SDK2: variants seen among roughly 807,000 people sequenced by gnomAD.
SDK2 encodes protein sidekick-2.
Under a neutral mutation model 253.9 loss-of-function variants are expected in SDK2, and 105 were observed. The observed-to-expected ratio is 0.41, with a 90% confidence interval of 0.35 to 0.49. The LOEUF is 0.49. SDK2 is among the 20% of genes least tolerant of loss of function. The pLI, the probability that SDK2 is intolerant of heterozygous loss-of-function variation, is 0.06. For missense variants in SDK2, 2,608 were observed against 3,003.0 expected, an observed-to-expected ratio of 0.87 and a Z score of 3.07; for synonymous variants, 1,249 against 1,234.9, an observed-to-expected ratio of 1.01 and a Z score of -0.24.
Position 73,467,175 on chromosome 17 carries a change from G to GATT in SDK2, c.331+4934_331+4936dup. Among the ~76,000 whole-genome samples, 1 of 152,210 alleles carries GATT rather than the reference G, an allele frequency of 6.6e-6. No individual in the cohort carries two copies. The highest frequency in any genetic ancestry group is 2.1e-4 in the South Asian group (1 of 4,822). ...GCATTTGCAGAGCTGTTTGGACATG[G>GATT]ATTATTACAGCCCAGGGCTGTCCCT... On this transcript the variant is annotated intron_variant, in intron 3 of 44. Transcript: ENST00000392650. The surrounding 1 kb of genome is among the most constrained non-coding windows in gnomAD (Gnocchi z 4.1).
At chr17:73,640,291 C>T (rs908718032) in intron 1 of SDK2, among the ~76,000 whole-genome samples, 5 of 150,552 alleles carry the variant, frequency 3.3e-5, no homozygotes, top group African/African-American at 9.8e-5. Flanking sequence ...GTGGGATTTC[C>T]GAGGCAGGTG....
chr17:73,620,959 G>T (rs142463646), intron 1 of SDK2, among the ~76,000 whole-genome samples: 1 of 152,178 alleles, frequency 6.6e-6, no homozygotes, highest in Admixed American at 6.5e-5. Context: ...TATTGTGAAT[G>T]TACTCAACGC....
At chr17:73,424,366 A>G (rs7214866) in intron 12 of SDK2, among the ~76,000 whole-genome samples, 7,686 of 152,218 alleles carry the variant, frequency 0.05, 634 homozygotes, top group African/African-American at 0.17. Flanking sequence ...AGGTTGGGTC[A>G]AAGCGTTGTT....
chr17:73,352,808 C>T lies in SDK2; in HGVS notation c.5594-171G>A, dbSNP rs1053906678. Among the ~76,000 whole-genome samples the T allele has an allele frequency of 3.3e-5, 5 of 152,148 alleles. No individual in the cohort carries two copies. The highest frequency in any genetic ancestry group is 9.7e-5 in the African/African-American group (4 of 41,448). ...TGAAGTTTCTTAAAAAGACAACTTT[C>T]GGGCCAAGCACGGTGGCTCATGCCT... On this transcript the variant is annotated intron_variant, in intron 40 of 44. Transcript: ENST00000392650. The surrounding 1 kb of genome is among the most constrained non-coding windows in gnomAD (Gnocchi z 4.1).
At chr17:73,542,950 G>C (rs2044893562) in intron 1 of SDK2, among the ~76,000 whole-genome samples, 1 of 152,192 alleles carries the variant, frequency 6.6e-6, no homozygotes, top group African/African-American at 2.4e-5. Context: ...GCGAGACTCG[G>C]ATCTGGGGAG....
rs1302387909 is a variant in SDK2 at position 73,352,115 on chromosome 17, T to C, written c.5758+358A>G. On this transcript the variant is annotated intron_variant, in intron 41 of 44. Coordinates refer to ENST00000392650, the MANE Select transcript of SDK2 (RefSeq NM_001144952.2). This position sits in a 1 kb window ranked among gnomAD's most constrained non-coding sequence, Gnocchi z 4.1. ...TCTGCAGGCTGCTGACCCTGCCACG[T>C]TGGGGCTGGAGGTTTCCATGGAAAG... Among the ~76,000 whole-genome samples the C allele has an allele frequency of 1.3e-5, 2 of 152,058 alleles. No homozygotes were observed. Among genetic ancestry groups the C allele is most frequent in the Non-Finnish European group, 2.9e-5 (2 of 68,000 alleles).
chr17:73,428,656 G>A (rs1473090162), intron 12 of SDK2, among the ~76,000 whole-genome samples: 1 of 152,072 alleles, frequency 6.6e-6, no homozygotes, highest in Non-Finnish European at 1.5e-5. Flanking sequence ...TTTCAATCCT[G>A]GTGACACATT....
intron 3 of SDK2, among the ~76,000 whole-genome samples, chr17:73,471,028 T>C (rs2063646397): frequency 6.6e-6 from 1 of 151,958 alleles, no homozygotes; most frequent in South Asian, 2.1e-4. Flanking sequence ...TGAGATGCCC[T>C]GGGGTTCTTC....
At chr17:73,640,204 AG>A (rs1238329202) in intron 1 of SDK2, among the ~76,000 whole-genome samples, 3 of 145,830 alleles carry the variant, frequency 2.1e-5, no homozygotes, top group Non-Finnish European at 3.0e-5. Flanking sequence ...AGAGGACACG[AG>A]GAAGAGGCAG....
rs1338584848 is a variant in SDK2 at position 73,414,504 on chromosome 17, T to TA, written c.2484+139dup. On this transcript the variant is annotated intron_variant, in intron 18 of 44. Transcript: ENST00000392650. Reference sequence around the variant, plus strand: ...GGGAAGGCCTGGAACTCTTTTCCTCTAATGTGTGTCCCTAGCTTGACTCGA... The same window carrying TA: ...GGGAAGGCCTGGAACTCTTTTCCTCTAAATGTGTGTCCCTAGCTTGACTCGA... 6.0e-6 allele frequency: 4 copies of TA among 662,888 alleles called. No individual in the cohort carries two copies. In the African/African-American group the frequency reaches 7.2e-5, roughly 12 times the overall value. 41.1% of individuals were successfully genotyped at this position (662,888 alleles called of 1,614,324 possible).
At chr17:73,588,765 G>A (rs190182120) in intron 1 of SDK2, among the ~76,000 whole-genome samples, 55 of 152,362 alleles carry the variant, frequency 3.6e-4, no homozygotes, top group African/African-American at 1.2e-3. Context: ...GGGAAGTCTC[G>A]CTGTGCCTAG....
rs746941398 is a variant in SDK2, at chr17:73,640,047, G to A, written c.64+3978C>T. 2.6e-5 allele frequency among the ~76,000 whole-genome samples: 4 copies of A among 152,256 alleles called. No individual in the cohort carries two copies. The South Asian group carries it at 8.3e-4, about 32-fold the overall frequency. On this transcript the variant is annotated intron_variant, in intron 1 of 44. Transcript: ENST00000392650. ...CGTCCTGTGGTACAAAGTCAAATGT[G>A]GACCAATATGCAGGTTAACACTTCA...
intron 28 of SDK2, 75 bp from the exon 29 acceptor site, chr17:73,390,556 G>C: frequency 7.0e-7 from 1 of 1,429,724 alleles, no homozygotes; most frequent in Admixed American, 2.1e-5. Flanking sequence ...GGGTTGTTCC[G>C]TCCAAAGCCA....
At chr17:73,348,099 C>T (rs2062500551) in intron 44 of SDK2, among the ~76,000 whole-genome samples, 1 of 152,200 alleles carries the variant, frequency 6.6e-6, no homozygotes, top group African/African-American at 2.4e-5. Context: ...GTCCAAACCT[C>T]CAAAGCTTAA....
chr17:73,528,126 C>G (rs2064140928), intron 1 of SDK2, among the ~76,000 whole-genome samples: 1 of 152,152 alleles, frequency 6.6e-6, no homozygotes, highest in South Asian at 2.1e-4. Context: ...GTGGAACGTT[C>G]AGGTGCTAGC....
At chr17:73,576,167 A>C (rs2045456581) in intron 1 of SDK2, among the ~76,000 whole-genome samples, 3 of 152,206 alleles carry the variant, frequency 2.0e-5, no homozygotes, top group Non-Finnish European at 4.4e-5. Flanking sequence ...AGATGATGAA[A>C]TCATGAGGAT....
chr17:73,573,740 T>C (rs890280807), intron 1 of SDK2, among the ~76,000 whole-genome samples: 4 of 152,288 alleles, frequency 2.6e-5, no homozygotes, highest in Admixed American at 2.0e-4. Context: ...ATGCATAAAT[T>C]GGATCATGCC....
chr17:73,401,661 G>T lies in SDK2; in HGVS notation c.2772C>A (p.Ile924=). 2 of 1,588,960 alleles carry T rather than the reference G, an allele frequency of 1.3e-6. No individual in the cohort carries two copies. Among genetic ancestry groups the T allele is most frequent in the East Asian group, 4.5e-5 (2 of 44,286 alleles). Residue 924 remains isoleucine, a synonymous_variant, in exon 20 of 45, where the codon ATC becomes ATA. Coordinates refer to ENST00000392650, the MANE Select transcript of SDK2 (RefSeq NM_001144952.2). The part of the protein sequence containing the change: ...SWQEPGEKNG[I]LTGYRISWEE... ...AAACACTGCAGTGCCTACCTGTGAG[G>T]ATGCCATTTTTCTCTCCCGGCTCTT...
At position 73,350,388 on chromosome 17, in the gene SDK2, G is replaced by A. The variant is rs1463623900; in HGVS notation, c.5900-13C>T. The A allele has an allele frequency of 6.2e-7, 1 of 1,611,320 alleles. No individual in the cohort carries two copies. The highest frequency in any genetic ancestry group is 2.2e-5 in the East Asian group (1 of 44,864). The stretch of plus-strand genomic sequence containing the variant: ...TTGGCACTGTTCCCTGAAGTCGGCG[G>A]GAGATTGACACCCTTTAGACTGTGT... On this transcript the variant is annotated splice_polypyrimidine_tract_variant and intron_variant, in intron 42 of 44. Transcript: ENST00000392650.
Sources: allele counts gnomAD v4.1 joint callset (sites outside exome capture counted in the v4.1 genomes callset), GRCh38; gene constraint gnomAD v4.1.1; non-coding constraint Gnocchi (gnomAD v3.1); transcripts MANE v1.5; gene names NCBI Gene and HGNC (gene_info 2026-07-23, HGNC 2026-07-21).